The following EFCAB14 variants were observed in gnomAD, a reference collection of about 807,000 sequenced individuals.
EFCAB14 encodes the protein EF-hand calcium-binding domain-containing protein 14.
EFCAB14 carries 43 observed loss-of-function variants against 56.5 expected under a neutral mutation model. The observed-to-expected ratio is 0.76, with a 90% CI of 0.60 to 0.98. The LOEUF (loss-of-function observed/expected upper bound fraction) is 0.98, where lower values mean the gene tolerates loss of function less well. EFCAB14 is among the 50% of genes least tolerant of loss of function. The pLI, the probability that EFCAB14 is intolerant of heterozygous loss-of-function variation, is 0.00. For missense variants in EFCAB14, 538 were observed against 580.3 expected (o/e 0.93, Z 0.75); for synonymous variants, 235 against 212.9 (o/e 1.10, Z -0.90).
rs1038219198 is a variant in EFCAB14 at position 46,689,502 on chromosome 1, A to G, written c.795+85T>C. ...AAATAAATACAGGATGCACCTGCTG[A>G]GACACCAAACACTAAGCCCAAACTA... On this transcript the variant is annotated intron_variant, in intron 6 of 10. Coordinates refer to ENST00000371933, the MANE Select transcript of EFCAB14 (RefSeq NM_014774.3). The G allele has an allele frequency of 2.9e-5, 37 of 1,292,884 alleles. No homozygotes were observed. The African/African-American group carries it at 4.7e-4, about 16-fold the overall frequency. 80.1% of individuals were successfully genotyped at this position (1,292,884 alleles called of 1,614,324 possible).
chr1:46,707,876 C>T (rs1331297057), intron 3 of EFCAB14, 30 bp downstream of exon 3: 2 of 1,600,408 alleles, frequency 1.2e-6, no homozygotes, highest in South Asian at 1.1e-5. Flanking sequence ...ATATTCATAG[C>T]TTACACAGCA....
intron 3 of EFCAB14, 46 bp downstream of exon 3, chr1:46,707,859 CA>C: frequency 6.3e-7 from 1 of 1,578,392 alleles, no homozygotes; most frequent in Non-Finnish European, 8.6e-7. Context: ...ACTAAACAAC[CA>C]AACAAATATT....
intron 4 of EFCAB14, among the ~76,000 whole-genome samples, chr1:46,695,716 G>A (rs893476261): frequency 6.6e-6 from 1 of 152,082 alleles, no homozygotes; most frequent in African/African-American, 2.4e-5. Flanking sequence ...CCATCTCTAA[G>A]GATCCCTGAG....
chr1:46,689,969 A>T (rs563089270), intron 5 of EFCAB14, among the ~76,000 whole-genome samples: 1 of 152,144 alleles, frequency 6.6e-6, no homozygotes. Context: ...CTCTCTAGAA[A>T]CCATTTCTCC....
chr1:46,716,248 CAAAAAAAAAA>C (rs10718376), intron 2 of EFCAB14, 37 bp downstream of exon 2: 26 of 1,054,540 alleles, frequency 2.5e-5, no homozygotes, highest in Middle Eastern at 2.9e-4. Context: ...GACCCTGTCT[CAAAAAAAAAA>C]AAAAAAAAAA....
chr1:46,702,646 C>A (rs1169464424), intron 3 of EFCAB14, among the ~76,000 whole-genome samples: 1 of 152,226 alleles, frequency 6.6e-6, no homozygotes, highest in Non-Finnish European at 1.5e-5. Context: ...ACAAAGAAAG[C>A]ATTTAATGAA....
At chr1:46,688,003 G>C (rs142914106) in intron 7 of EFCAB14, among the ~76,000 whole-genome samples, 485 of 152,194 alleles carry the variant, frequency 3.2e-3, no homozygotes, top group African/African-American at 0.011. Flanking sequence ...ACTTAAAAAA[G>C]AAAAGACCCA....
chr1:46,685,016 G>C (rs1676856863), intron 8 of EFCAB14: 1 of 159,594 alleles, frequency 6.3e-6, no homozygotes, highest in Non-Finnish European at 1.4e-5. Context: ...CTTGTGACTA[G>C]ACCACTTTAG....
chr1:46,690,256 T>C (rs1011640292), intron 5 of EFCAB14, among the ~76,000 whole-genome samples: 8 of 152,252 alleles, frequency 5.3e-5, no homozygotes, highest in African/African-American at 1.9e-4. Flanking sequence ...CTCAAGTTTC[T>C]TTCCAGAGAC....
At chr1:46,714,431 A>C (rs1677355935) in intron 2 of EFCAB14, among the ~76,000 whole-genome samples, 2 of 137,486 alleles carry the variant, frequency 1.5e-5, no homozygotes, top group Non-Finnish European at 1.5e-5. Flanking sequence ...AGTGTTGCTA[A>C]AAAAAAAAAA....
chr1:46,713,112 C>G (rs1313547580), intron 2 of EFCAB14, among the ~76,000 whole-genome samples: 3 of 152,018 alleles, frequency 2.0e-5, no homozygotes, highest in Admixed American at 2.0e-4. Context: ...AGATTGGTTC[C>G]ATTTAGTCAA....
chr1:46,688,315 A>G (rs1319085402), intron 7 of EFCAB14, 38 bp downstream of exon 7: 1 of 1,592,172 alleles, frequency 6.3e-7, no homozygotes, highest in Admixed American at 1.7e-5. Context: ...GCACAGACAA[A>G]ACACACTGCA....
intron 2 of EFCAB14, among the ~76,000 whole-genome samples, chr1:46,714,660 G>A (rs1004517863): frequency 2.6e-5 from 4 of 151,814 alleles, no homozygotes; most frequent in South Asian, 2.1e-4. Context: ...AGGGTGGCGC[G>A]TGCCTGTAGT....
chr1:46,718,153 C>G lies in EFCAB14; in HGVS notation c.-66G>C. On this transcript the variant is annotated 5_prime_UTR_variant, in exon 1 of 11. Coordinates refer to ENST00000371933, the MANE Select transcript of EFCAB14 (RefSeq NM_014774.3). ...CCAGGTTCGTACCCGATGCCCAATTCTCTTCCTGCCTTGGAGCTGCCTTCC... is the reference window on the plus strand; with the variant it reads ...CCAGGTTCGTACCCGATGCCCAATTGTCTTCCTGCCTTGGAGCTGCCTTCC... The G allele has an allele frequency of 6.5e-7, 1 of 1,540,910 alleles. No individual in the cohort carries two copies. Among genetic ancestry groups the G allele is most frequent in the South Asian group, 1.2e-5 (1 of 83,566 alleles).
intron 4 of EFCAB14, among the ~76,000 whole-genome samples, chr1:46,696,004 T>C (rs1320426880): frequency 1.3e-5 from 2 of 152,102 alleles, no homozygotes. Flanking sequence ...TACCAATTAA[T>C]ACTCCTAGCA....
At chr1:46,697,040 TGTAATACCTCA>T (rs1473753049) in intron 3 of EFCAB14, among the ~76,000 whole-genome samples, 1 of 152,202 alleles carries the variant, frequency 6.6e-6, no homozygotes. Context: ...TTTGGTAAAA[TGTAATACCTCA>T]GTAATTTACC....
chr1:46,710,726 A>G (rs1677295943), intron 2 of EFCAB14, among the ~76,000 whole-genome samples: 1 of 151,654 alleles, frequency 6.6e-6, no homozygotes, highest in African/African-American at 2.4e-5. Flanking sequence ...GCTATTTTTA[A>G]TTTTTTTAGA....
intron 3 of EFCAB14, among the ~76,000 whole-genome samples, chr1:46,704,346 G>A (rs1266922766): frequency 2.0e-5 from 3 of 151,818 alleles, no homozygotes; most frequent in East Asian, 1.9e-4. Flanking sequence ...ATGGTGGTGC[G>A]TGCCTGTAGT....
At chr1:46,702,475 T>G (rs1677172542) in intron 3 of EFCAB14, among the ~76,000 whole-genome samples, 2 of 152,090 alleles carry the variant, frequency 1.3e-5, no homozygotes, top group Non-Finnish European at 1.5e-5. Flanking sequence ...AATATTTTAC[T>G]TTTAGTATTG....
Sources: gnomAD v4.1 joint callset for allele counts (sites outside exome capture counted in the v4.1 genomes callset) on GRCh38, gnomAD v4.1.1 for gene constraint, MANE v1.5 for transcripts, NCBI Gene and HGNC (gene_info 2026-07-23, HGNC 2026-07-21) for gene names.